Variants in PACRG observed in about 807,000 individuals in gnomAD.
PACRG encodes the protein parkin coregulated gene protein.
PACRG carries 29 observed loss-of-function variants against 29.7 expected under a neutral mutation model. That is an observed-to-expected ratio of 0.98 (90% CI 0.73 to 1.33). PACRG has a LOEUF of 1.33. Ranked by LOEUF, PACRG falls within the 40% of genes most tolerant of loss-of-function variation. PACRG has a pLI of 0.00. For synonymous variants in PACRG, 116 were observed against 118.7 expected (o/e 0.98, Z 0.15); for missense variants, 279 against 316.2 (o/e 0.88, Z 0.89).
intron 1 of PACRG, among the ~76,000 whole-genome samples, chr6:162,773,936 T>TA (rs1339440717): frequency 2.6e-5 from 4 of 152,130 alleles, no homozygotes; most frequent in South Asian, 2.1e-4. Context: ...GCTCTGCTTT[T>TA]AAAAAAATGA....
chr6:163,070,523 C>T (rs1214124204), intron 3 of PACRG, among the ~76,000 whole-genome samples: 1 of 151,558 alleles, frequency 6.6e-6, no homozygotes, highest in African/African-American at 2.4e-5. Context: ...CTCATGGTAA[C>T]TCAAATCAAA....
At chr6:163,154,983 C>T (rs932769345) in intron 4 of PACRG, among the ~76,000 whole-genome samples, 2 of 149,234 alleles carry the variant, frequency 1.3e-5, no homozygotes, top group African/African-American at 4.9e-5. Context: ...AAAAAAAAAA[C>T]GTGGAACACT....
chr6:163,062,123 T>C, intron 2 of PACRG, 27 bp from the exon 3 acceptor site: 1 of 1,610,728 alleles, frequency 6.2e-7, no homozygotes, highest in Non-Finnish European at 8.5e-7. Context: ...TGTTTTCACA[T>C]GGCGTCTCTT....
intron 4 of PACRG, among the ~76,000 whole-genome samples, chr6:163,159,885 G>T (rs1319238086): frequency 6.6e-6 from 1 of 151,882 alleles, no homozygotes; most frequent in Non-Finnish European, 1.5e-5. Flanking sequence ...TCCTCATTCC[G>T]CCTCCACCCC....
At chr6:162,908,474 C>T (rs549544952) in intron 2 of PACRG, among the ~76,000 whole-genome samples, 1 of 152,294 alleles carries the variant, frequency 6.6e-6, no homozygotes, top group African/African-American at 2.4e-5. Flanking sequence ...GGCTATAATC[C>T]ATTTTATCAC....
chr6:163,295,517 A>G (rs191582501), intron 4 of PACRG, among the ~76,000 whole-genome samples: 44 of 152,334 alleles, frequency 2.9e-4, no homozygotes, highest in Non-Finnish European at 4.7e-4. Context: ...ATATTAATGA[A>G]TGCACCATGA....
At chr6:162,767,765 A>G (rs988974324) in intron 1 of PACRG, among the ~76,000 whole-genome samples, 8 of 151,950 alleles carry the variant, frequency 5.3e-5, no homozygotes, top group Non-Finnish European at 1.0e-4. Context: ...TACTTATTAT[A>G]TGGGGTTTCC....
In PACRG at chr6:163,239,805, C is replaced by A. The variant is rs1178375470; in HGVS notation, c.614-75022C>A. On this transcript the variant is annotated intron_variant, in intron 4 of 4. Transcript: ENST00000366888. ...ACACACACACACTCACACATTCACA[C>A]TCCCACTCCCACCCCTACTTCTACA... is the stretch of plus-strand genomic sequence containing the variant. Among the ~76,000 whole-genome samples, 3 of 145,656 alleles carry A rather than the reference C, an allele frequency of 2.1e-5. No individual in the cohort carries two copies. In the East Asian group the frequency reaches 6.2e-4, roughly 30 times the overall value.
chr6:163,122,411 G>A (rs997382069), intron 4 of PACRG, among the ~76,000 whole-genome samples: 2 of 152,148 alleles, frequency 1.3e-5, no homozygotes, highest in African/African-American at 4.8e-5. Context: ...GTTAGAGGTG[G>A]AGCCTACCGG....
chr6:162,878,125 G>A (rs145364432), intron 2 of PACRG, among the ~76,000 whole-genome samples: 139 of 152,198 alleles, frequency 9.1e-4, no homozygotes, highest in African/African-American at 3.3e-3. Flanking sequence ...TTTATATTAG[G>A]GGAATTGGAA....
At chr6:163,166,277 C>A (rs1562946790) in intron 4 of PACRG, 10 of 418,966 alleles carry the variant, frequency 2.4e-5, no homozygotes, top group Admixed American at 8.0e-5. Context: ...TCAACAACAA[C>A]AACAAAAAAA....
At chr6:163,269,922 GAAAGAAAACAA>G (rs2057514680) in intron 4 of PACRG, among the ~76,000 whole-genome samples, 2 of 54,692 alleles carry the variant, frequency 3.7e-5, no homozygotes, top group Non-Finnish European at 3.4e-5. Context: ...AAGAAAGAAA[GAAAGAAAACAA>G]AGAAAGAAAG....
At chr6:163,037,633 A>G (rs1808324420) in intron 2 of PACRG, among the ~76,000 whole-genome samples, 1 of 152,226 alleles carries the variant, frequency 6.6e-6, no homozygotes, top group East Asian at 1.9e-4. Context: ...GCCCTGAGAA[A>G]CAAAGTACAG....
rs149768351 is a variant in PACRG at position 162,794,085 on chromosome 6, C to G, written c.157-20062C>G. ...CAAAGTGTATCCATTTACACTCAAA[C>G]TAGCAGGAATGAGACTTCCCATCCC... On this transcript the variant is annotated intron_variant, in intron 1 of 4. Coordinates refer to ENST00000366888, the MANE Select transcript of PACRG (RefSeq NM_001080379.2). Among the ~76,000 whole-genome samples, 436 of 152,272 alleles carry G rather than the reference C, an allele frequency of 2.9e-3. 2 individuals are homozygous for G. The highest frequency in any genetic ancestry group is 4.6e-3 in the Non-Finnish European group (316 of 68,022).
At chr6:163,189,244 G>A (rs757223854) in intron 4 of PACRG, among the ~76,000 whole-genome samples, 6 of 152,170 alleles carry the variant, frequency 3.9e-5, no homozygotes, top group African/African-American at 1.2e-4. Flanking sequence ...TGGACATAAG[G>A]GATTTGCTGA....
At chr6:162,733,153 C>T (rs756179904) in intron 1 of PACRG, among the ~76,000 whole-genome samples, 4 of 152,186 alleles carry the variant, frequency 2.6e-5, no homozygotes, top group Non-Finnish European at 5.9e-5. Context: ...AAAGACAGAA[C>T]ACATGCTGTC....
chr6:162,973,350 C>T (rs562715461), intron 2 of PACRG, among the ~76,000 whole-genome samples: 5 of 152,196 alleles, frequency 3.3e-5, no homozygotes, highest in Non-Finnish European at 5.9e-5. Flanking sequence ...AAGTCTGTTG[C>T]AAGTGTAATG....
At chr6:162,921,653 T>C (rs1797073755) in intron 2 of PACRG, among the ~76,000 whole-genome samples, 1 of 152,120 alleles carries the variant, frequency 6.6e-6, no homozygotes, top group South Asian at 2.1e-4. Flanking sequence ...CCTACCCCCA[T>C]TTACTTTTAG....
chr6:162,769,197 C>G (rs1783024094), intron 1 of PACRG, among the ~76,000 whole-genome samples: 1 of 152,064 alleles, frequency 6.6e-6, no homozygotes, highest in African/African-American at 2.4e-5. Flanking sequence ...TTTAAACCCT[C>G]TCAGTATATT....
Sources: allele counts gnomAD v4.1 joint callset (sites outside exome capture counted in the v4.1 genomes callset), GRCh38; gene constraint gnomAD v4.1.1; transcripts MANE v1.5; gene names NCBI Gene and HGNC (gene_info 2026-07-23, HGNC 2026-07-21).